DPH6: variants seen among roughly 807,000 people sequenced by gnomAD.
DPH6 encodes diphthine--ammonia ligase.
A neutral mutation model predicts 38.2 loss-of-function variants in DPH6; 33 were observed. The ratio of observed to expected loss-of-function variants is 0.86; its 90% CI spans 0.65 to 1.15. The LOEUF (loss-of-function observed/expected upper bound fraction) is 1.15, where lower values mean the gene tolerates loss of function less well. Among genes scored for constraint, DPH6 ranks in the 50% most tolerant of loss-of-function variants. The pLI is 0.00. For missense variants in DPH6, 325 were observed against 320.0 expected, an observed-to-expected ratio of 1.02 and a Z score of -0.12; for synonymous variants, 108 against 103.0, an observed-to-expected ratio of 1.05 and a Z score of -0.30.
chr15:35,407,999 A>G (rs1222623376), intron 6 of DPH6, among the ~76,000 whole-genome samples: 1 of 152,056 alleles, frequency 6.6e-6, no homozygotes, highest in African/African-American at 2.4e-5. Context: ...ATAACGGATC[A>G]TGGCAGGGCA....
intron 3 of DPH6, among the ~76,000 whole-genome samples, chr15:35,261,174 C>A (rs1477388699): frequency 2.6e-5 from 4 of 152,164 alleles, no homozygotes; most frequent in Non-Finnish European, 5.9e-5. Flanking sequence ...ATTCCTTATG[C>A]AGTTTCACCA....
chr15:35,263,225 T>A (rs1009996764), intron 3 of DPH6, among the ~76,000 whole-genome samples: 2 of 152,108 alleles, frequency 1.3e-5, no homozygotes, highest in African/African-American at 4.8e-5. Flanking sequence ...AGACATTTTA[T>A]AAACATCTCA....
In DPH6 at chr15:35,282,190, G is replaced by T. The variant is rs943169746; in HGVS notation, n.201-61608C>A. On this transcript the variant is annotated intron_variant and non_coding_transcript_variant, in intron 3 of 3. Coordinates refer to the DPH6 transcript ENST00000560386. Reference sequence around the variant, plus strand: ...ATAGTTTTTCTTTTTGTTTTTAAATGAGCCTGGATCTTGCTCTGTCACTCA... The same window carrying T: ...ATAGTTTTTCTTTTTGTTTTTAAATTAGCCTGGATCTTGCTCTGTCACTCA... 1.8e-4 allele frequency among the ~76,000 whole-genome samples: 27 copies of T among 152,062 alleles called. 1 individual carries two copies. Among genetic ancestry groups the T allele is most frequent in the African/African-American group, 5.5e-4 (23 of 41,480 alleles).
chr15:35,156,040 T>A, the DPH6 span, among the ~76,000 whole-genome samples: 2 of 152,188 alleles, frequency 1.3e-5, no homozygotes, highest in Non-Finnish European at 2.9e-5. Context: ...AATTCACATT[T>A]GAGAAATTAA....
At chr15:35,524,427 T>C (rs2054968881) in intron 3 of DPH6, among the ~76,000 whole-genome samples, 1 of 152,092 alleles carries the variant, frequency 6.6e-6, no homozygotes, top group African/African-American at 2.4e-5. Context: ...CCTAACCCCT[T>C]ATCAAACCAT....
At position 35,253,808 on chromosome 15, in the gene DPH6, G is replaced by A. The variant is rs190724098; in HGVS notation, n.201-33226C>T. ...AAGGATTATTTGGTGAAGCTAAAGC[G>A]GCACATCAACCAGCAGCATCTGAGG... is the stretch of plus-strand genomic sequence containing the variant. On this transcript the variant is annotated intron_variant and non_coding_transcript_variant, in intron 3 of 3. Transcript: ENST00000560386. Among the ~76,000 whole-genome samples, 22 of 152,202 alleles carry A rather than the reference G, an allele frequency of 1.4e-4. No homozygotes were observed. In the East Asian group the frequency reaches 3.1e-3, roughly 21 times the overall value.
At chr15:35,404,122 A>C (rs1595534750) in intron 6 of DPH6, among the ~76,000 whole-genome samples, 2 of 152,068 alleles carry the variant, frequency 1.3e-5, no homozygotes, top group African/African-American at 4.8e-5. Flanking sequence ...TTATCCATTC[A>C]TATGTTGATG....
rs72703153 is a variant in DPH6, at chr15:35,375,428, C to T, written c.663-1820G>A. On this transcript the variant is annotated intron_variant, in intron 7 of 8. Coordinates refer to ENST00000256538, the MANE Select transcript of DPH6 (RefSeq NM_080650.4). Reference sequence around the variant, plus strand: ...TTCAGTTTCAAGCAGAATAATACCACTCACTATTGCTCTTCTCTCTCATAT... The same window carrying T: ...TTCAGTTTCAAGCAGAATAATACCATTCACTATTGCTCTTCTCTCTCATAT... Among the ~76,000 whole-genome samples, 263 of 152,210 alleles carry T rather than the reference C, an allele frequency of 1.7e-3. 1 individual carries two copies. Among genetic ancestry groups the T allele is most frequent in the East Asian group, 5.0e-3 (26 of 5,174 alleles).
chr15:35,374,709 A>G (rs1339925499), intron 7 of DPH6, among the ~76,000 whole-genome samples: 1 of 152,124 alleles, frequency 6.6e-6, no homozygotes, highest in Non-Finnish European at 1.5e-5. Context: ...AAAGCAACTT[A>G]TAACAGACAT....
In DPH6 at chr15:35,311,052, G is replaced by A. The variant is rs192796252; in HGVS notation, n.200+62469C>T. Among the ~76,000 whole-genome samples, 284 of 148,576 alleles carry A rather than the reference G, an allele frequency of 1.9e-3. 1 individual carries two copies. The highest frequency in any genetic ancestry group is 6.9e-3 in the African/African-American group (273 of 39,454). On this transcript the variant is annotated intron_variant and non_coding_transcript_variant, in intron 3 of 3. Coordinates refer to the DPH6 transcript ENST00000560386. ...CCAGCCTGGGCAACAAGAGTGAAAC[G>A]CCACCTCAAAAACAACAACAACAAC...
intron 4 of DPH6, among the ~76,000 whole-genome samples, chr15:35,452,530 T>C (rs1016203071): frequency 6.6e-6 from 1 of 152,180 alleles, no homozygotes; most frequent in Admixed American, 6.5e-5. Context: ...CAATACTTAT[T>C]AAATGTACCA....
At chr15:35,238,258 T>C (rs1317501533) in intron 3 of DPH6, 1 of 486,336 alleles carries the variant, frequency 2.1e-6, no homozygotes, top group Non-Finnish European at 3.7e-6. Context: ...AAAATACTAT[T>C]TTTACTGCCA....
At chr15:35,467,159 G>C (rs974470711) in intron 3 of DPH6, among the ~76,000 whole-genome samples, 5 of 151,918 alleles carry the variant, frequency 3.3e-5, no homozygotes, top group African/African-American at 1.2e-4. Flanking sequence ...ATAACACTTG[G>C]ATTAAAACAT....
chr15:35,310,381 C>T (rs1379967434), intron 3 of DPH6, among the ~76,000 whole-genome samples: 1 of 152,124 alleles, frequency 6.6e-6, no homozygotes, highest in Non-Finnish European at 1.5e-5. Flanking sequence ...GGTAGGCAGT[C>T]CAGCCTTGCA....
At chr15:35,280,841 A>C (rs982035536) in intron 3 of DPH6, among the ~76,000 whole-genome samples, 2 of 152,196 alleles carry the variant, frequency 1.3e-5, no homozygotes, top group African/African-American at 2.4e-5. Context: ...GTTTTCTCAG[A>C]TATTACAGCA....
the DPH6 span, among the ~76,000 whole-genome samples, chr15:35,147,515 A>T: frequency 2.6e-5 from 4 of 152,202 alleles, no homozygotes; most frequent in Admixed American, 2.6e-4. Context: ...AGTCATTCAG[A>T]TGAGTTTTCT....
intron 2 of DPH6, among the ~76,000 whole-genome samples, chr15:35,540,903 A>G (rs993175241): frequency 2.0e-4 from 30 of 152,168 alleles, no homozygotes; most frequent in Non-Finnish European, 3.1e-4. Flanking sequence ...CTGCTTTTTA[A>G]CTTCACAAGA....
At chr15:35,304,098 A>T (rs988606035) in intron 3 of DPH6, among the ~76,000 whole-genome samples, 5 of 152,090 alleles carry the variant, frequency 3.3e-5, no homozygotes, top group Middle Eastern at 3.2e-3. Context: ...TGATACACTG[A>T]TGTGGTTAAT....
intron 3 of DPH6, among the ~76,000 whole-genome samples, chr15:35,286,378 C>T (rs980860042): frequency 6.6e-5 from 10 of 152,200 alleles, no homozygotes; most frequent in Admixed American, 1.3e-4. Flanking sequence ...TGAGGTGCTT[C>T]GCCCAATGAA....
Sources: allele counts gnomAD v4.1 joint callset (sites outside exome capture counted in the v4.1 genomes callset), GRCh38; gene constraint gnomAD v4.1.1; transcripts MANE v1.5; gene names NCBI Gene and HGNC (gene_info 2026-07-23, HGNC 2026-07-21).